Variants in NFATC1 observed in about 807,000 individuals in gnomAD.
The protein encoded by NFATC1 is nuclear factor of activated T-cells, cytoplasmic 1.
NFATC1 carries 22 observed loss-of-function variants against 76.0 expected under a neutral mutation model. That is an observed-to-expected ratio of 0.29 (90% CI 0.21 to 0.41). The LOEUF (loss-of-function observed/expected upper bound fraction) is 0.41, where lower values mean the gene tolerates loss of function less well. Among genes scored for constraint, NFATC1 ranks in the 10% least tolerant of loss-of-function variants. The pLI, the probability that NFATC1 is intolerant of heterozygous loss-of-function variation, is 1.00. For missense variants in NFATC1, 1,357 were observed against 1,337.7 expected (o/e 1.01, Z -0.23); for synonymous variants, 704 against 613.1 (o/e 1.15, Z -2.19).
chr18:79,469,680 G>A, intron 8 of NFATC1: 4 of 985,970 alleles, frequency 4.1e-6, no homozygotes, highest in Non-Finnish European at 4.8e-6. Context: ...ACGCAGGCCA[G>A]GTTCCCCAGG....
intron 3 of NFATC1, among the ~76,000 whole-genome samples, chr18:79,443,502 C>T (rs989958639): frequency 6.6e-6 from 1 of 152,204 alleles, no homozygotes; most frequent in African/African-American, 2.4e-5. Flanking sequence ...GGCCTGGAGC[C>T]GTCCCTCGGG....
rs2088465386 is a variant in NFATC1 at position 79,465,871 on chromosome 18, TG to T, written c.1960-1574del. ...GAGATGGCCCAGACCCACAGTGCTC[TG>T]GGGGCAGCCCAGGCCCCGCCCACTG... On this transcript the variant is annotated intron_variant, in intron 7 of 9. Transcript: ENST00000427363. This position sits in a 1 kb window ranked among gnomAD's most constrained non-coding sequence, Gnocchi z 4.2. Among the ~76,000 whole-genome samples the T allele has an allele frequency of 6.6e-6, 1 of 152,238 alleles. No individual in the cohort carries two copies. The highest frequency in any genetic ancestry group is 1.5e-5 in the Non-Finnish European group (1 of 68,040).
intron 2 of NFATC1, among the ~76,000 whole-genome samples, chr18:79,417,040 G>A (rs866766281): frequency 5.9e-5 from 9 of 152,372 alleles, no homozygotes; most frequent in Middle Eastern, 3.4e-3. Flanking sequence ...TGGCTGAGCA[G>A]GCCAGCAGGT....
At chr18:79,433,518 C>T (rs1007341684) in intron 2 of NFATC1, 61 bp from the exon 3 acceptor site, 67 of 1,597,662 alleles carry the variant, frequency 4.2e-5, no homozygotes, top group Non-Finnish European at 5.4e-5. Context: ...AGCACGGGCA[C>T]GTGTGGCCCG....
At chr18:79,495,363 C>T (rs1025519496) in intron 9 of NFATC1, among the ~76,000 whole-genome samples, 19 of 152,224 alleles carry the variant, frequency 1.2e-4, no homozygotes, top group Admixed American at 2.6e-4. Flanking sequence ...GAATTCTATG[C>T]TGTTTCTAGT....
intron 2 of NFATC1, among the ~76,000 whole-genome samples, chr18:79,415,021 G>C (rs1410199791): frequency 1.3e-5 from 2 of 152,152 alleles, no homozygotes; most frequent in Non-Finnish European, 2.9e-5. Context: ...TCATCGTTCG[G>C]CCTCCTCCAC....
intron 8 of NFATC1, chr18:79,469,357 C>G: frequency 1.0e-6 from 1 of 985,476 alleles, no homozygotes. Context: ...TTGAGCAGCA[C>G]TGACTTTAGC....
At chr18:79,438,274 C>T (rs1273396764) in intron 3 of NFATC1, among the ~76,000 whole-genome samples, 1 of 152,230 alleles carries the variant, frequency 6.6e-6, no homozygotes, top group East Asian at 1.9e-4. Context: ...TGAGTCAACC[C>T]GTCCTTGGCC....
chr18:79,514,552 G>A (rs1159666703), intron 9 of NFATC1, among the ~76,000 whole-genome samples: 1 of 103,120 alleles, frequency 9.7e-6, no homozygotes, highest in Non-Finnish European at 1.8e-5. Flanking sequence ...GTGACAGAAT[G>A]AGACCCTGCC....
intron 7 of NFATC1, among the ~76,000 whole-genome samples, chr18:79,464,344 C>T (rs990268131): frequency 2.7e-5 from 4 of 148,466 alleles, no homozygotes; most frequent in East Asian, 1.9e-4. Context: ...ATCCGCCCAC[C>T]GTGGCCTCCC....
intron 4 of NFATC1, among the ~76,000 whole-genome samples, chr18:79,449,851 G>A (rs549424631): frequency 1.5e-4 from 23 of 152,308 alleles, no homozygotes; most frequent in African/African-American, 4.1e-4. Flanking sequence ...AGGAGATGGC[G>A]GCGGGGGGCC....
chr18:79,506,416 C>T (rs1178061066), intron 9 of NFATC1, among the ~76,000 whole-genome samples: 2 of 152,216 alleles, frequency 1.3e-5, no homozygotes, highest in Admixed American at 6.5e-5. Context: ...TCTGTGCTGG[C>T]CCGGCACCTG....
At chr18:79,430,223 T>C (rs572269910) in intron 2 of NFATC1, among the ~76,000 whole-genome samples, 1 of 152,362 alleles carries the variant, frequency 6.6e-6, no homozygotes, top group East Asian at 1.9e-4. Flanking sequence ...TAGACTGCCT[T>C]ATCTTTAGGA....
rs575130142 is a variant in NFATC1, at chr18:79,411,291, C to T, written c.1016C>T (p.Thr339Ile). The change falls in exon 2 of 10, where the codon ACC becomes ATC. Residue 339 changes from threonine to isoleucine, a missense_variant. This residue lies in a region of NFATC1 where 691 missense variants were observed against 613.1 expected (regional missense o/e 1.13). Coordinates refer to ENST00000427363, the MANE Select transcript of NFATC1 (RefSeq NM_001278669.2). ...DGVPVKSRKTTLEQPPSVALK... is the reference protein window; with the variant it reads ...DGVPVKSRKTILEQPPSVALK... Reference sequence around the variant, plus strand: ...GTCCCTGTCAAGTCCCGCAAGACCACCCTGGAGCAGCCGCCCTCAGTGGCG... The same window carrying T: ...GTCCCTGTCAAGTCCCGCAAGACCATCCTGGAGCAGCCGCCCTCAGTGGCG... The T allele has an allele frequency of 6.2e-7, 1 of 1,603,482 alleles. No individual in the cohort carries two copies. Among genetic ancestry groups the T allele is most frequent in the African/African-American group, 1.3e-5 (1 of 74,906 alleles).
At chr18:79,474,965 T>C (rs1218627242) in intron 8 of NFATC1, among the ~76,000 whole-genome samples, 1 of 117,652 alleles carries the variant, frequency 8.5e-6, no homozygotes, top group Non-Finnish European at 1.6e-5. Flanking sequence ...TCACGCTCAC[T>C]GTCGACGTAA....
In NFATC1 at chr18:79,396,274, C is replaced by T. The variant is rs866806091; in HGVS notation, c.50C>T (p.Ala17Val). Residue 17 changes from alanine to valine, a missense_variant, in exon 1 of 10, where the codon GCG becomes GTG. Transcript: ENST00000427363. ...CCTTCCAAGTTTCCACTTGGCCCTG[C>T]GGCTGCGGTCTTCGGGAGAGGAGAA... Reference protein sequence around the residue: ...PVPSKFPLGPAAAVFGRGETL... With the variant: ...PVPSKFPLGPVAAVFGRGETL... The T allele has an allele frequency of 1.4e-6, 2 of 1,473,868 alleles. No individual in the cohort carries two copies. The highest frequency in any genetic ancestry group is 1.8e-6 in the Non-Finnish European group (2 of 1,103,236). 91.3% of individuals were successfully genotyped at this position (1,473,868 alleles called of 1,614,324 possible).
At chr18:79,461,473 C>T (rs932577872) in intron 7 of NFATC1, 107 bp downstream of exon 7, 11 of 723,400 alleles carry the variant, frequency 1.5e-5, no homozygotes, top group Non-Finnish European at 2.2e-5. Context: ...GCTGGGGTTC[C>T]TGTTTCTTAG....
chr18:79,428,076 G>A (rs908344566), intron 2 of NFATC1, among the ~76,000 whole-genome samples: 3 of 147,262 alleles, frequency 2.0e-5, no homozygotes, highest in African/African-American at 7.6e-5. Context: ...AGTGGGTCGG[G>A]GGGCCTGGAC....
rs747602807 is a variant in NFATC1 at position 79,410,574 on chromosome 18, A to G, written c.299A>G (p.Tyr100Cys). 2.5e-6 allele frequency: 4 copies of G among 1,611,684 alleles called. No homozygotes were observed. In the East Asian group the frequency reaches 8.9e-5, roughly 36 times the overall value. Residue 100 changes from tyrosine to cysteine, a missense_variant, in exon 2 of 10, where the codon TAC becomes TGC. Tyr to Cys is a radical substitution (Grantham distance 194). Coordinates refer to ENST00000427363, the MANE Select transcript of NFATC1 (RefSeq NM_001278669.2). The surrounding 1 kb of genome is among the most constrained non-coding windows in gnomAD (Gnocchi z 6.7). ...GCTTTGGACGGTGGGCCCGCGGGCT[A>G]CTTCCTCTCCTCCGGCCACACCAGG... Reference protein sequence around the residue: ...GAALDGGPAGYFLSSGHTRPD... With the variant: ...GAALDGGPAGCFLSSGHTRPD...
Sources: allele counts gnomAD v4.1 joint callset (sites outside exome capture counted in the v4.1 genomes callset), GRCh38; gene constraint gnomAD v4.1.1; regional missense constraint gnomAD v4.1.1; non-coding constraint Gnocchi (gnomAD v3.1); transcripts MANE v1.5; gene names NCBI Gene and HGNC (gene_info 2026-07-23, HGNC 2026-07-21).